The following BAIAP2L1 variants were observed in gnomAD, a reference collection of about 807,000 sequenced individuals.
The protein encoded by BAIAP2L1 is BAR/IMD domain containing adaptor protein 2 like 1.
A neutral mutation model predicts 66.3 loss-of-function variants in BAIAP2L1; 35 were observed. That is an observed-to-expected ratio of 0.53 (90% CI 0.40 to 0.70). The LOEUF (loss-of-function observed/expected upper bound fraction) is 0.70, where lower values mean the gene tolerates loss of function less well. Among genes scored for constraint, BAIAP2L1 ranks in the 30% least tolerant of loss-of-function variants. BAIAP2L1 has a pLI of 0.00. For missense variants in BAIAP2L1, 622 were observed against 656.9 expected (o/e 0.95, Z 0.58); for synonymous variants, 269 against 248.7 (o/e 1.08, Z -0.77).
At chr7:98,298,493 G>C (rs1481157340) in intron 12 of BAIAP2L1, among the ~76,000 whole-genome samples, 3 of 152,012 alleles carry the variant, frequency 2.0e-5, no homozygotes, top group African/African-American at 7.2e-5. Flanking sequence ...GGCGCCTGTA[G>C]TCCCAGCTAC....
At chr7:98,348,963 T>A (rs560263392) in intron 3 of BAIAP2L1, among the ~76,000 whole-genome samples, 1 of 152,272 alleles carries the variant, frequency 6.6e-6, no homozygotes, top group African/African-American at 2.4e-5. Flanking sequence ...CTGGCCTTAC[T>A]GTCCTGGGTC....
At chr7:98,361,778 C>T (rs183620571) in intron 2 of BAIAP2L1, among the ~76,000 whole-genome samples, 1 of 152,156 alleles carries the variant, frequency 6.6e-6, no homozygotes, top group Admixed American at 6.6e-5. Context: ...CTCTGTTGCT[C>T]AGGCTGGGGT....
intron 12 of BAIAP2L1, among the ~76,000 whole-genome samples, chr7:98,295,231 G>C (rs1253569082): frequency 2.0e-5 from 3 of 152,222 alleles, no homozygotes; most frequent in Non-Finnish European, 2.9e-5. Context: ...TGCATGTTGG[G>C]TGTACAGGCT....
chr7:98,393,360 A>T (rs900671542), intron 1 of BAIAP2L1, among the ~76,000 whole-genome samples: 4 of 151,806 alleles, frequency 2.6e-5, no homozygotes, highest in Non-Finnish European at 5.9e-5. Context: ...GTTTTATTAC[A>T]TAAGGGATGT....
intron 3 of BAIAP2L1, among the ~76,000 whole-genome samples, chr7:98,340,361 C>T (rs1303524384): frequency 6.6e-6 from 1 of 152,154 alleles, no homozygotes; most frequent in African/African-American, 2.4e-5. Flanking sequence ...AATCTCGGCT[C>T]ACTGCAAGCT....
In BAIAP2L1 at chr7:98,313,972, C is replaced by T. The variant is rs914583313; in HGVS notation, c.639+1488G>A. ...ATCTTATTTAGGGAGCTGAATACTC[C>T]TTTTTCTTCCTTTTTTTTTTTTTTT... is the stretch of plus-strand genomic sequence containing the variant. On this transcript the variant is annotated intron_variant, in intron 7 of 13. Coordinates refer to ENST00000005260, the MANE Select transcript of BAIAP2L1 (RefSeq NM_018842.5). Among the ~76,000 whole-genome samples the T allele has an allele frequency of 3.6e-5, 5 of 137,944 alleles. No individual in the cohort carries two copies. In the South Asian group the frequency reaches 6.7e-4, roughly 19 times the overall value. 90.5% of individuals were successfully genotyped at this position (137,944 alleles called of 152,430 possible).
At chr7:98,383,033 C>T (rs1802794848) in intron 1 of BAIAP2L1, among the ~76,000 whole-genome samples, 1 of 151,938 alleles carries the variant, frequency 6.6e-6, no homozygotes, top group Non-Finnish European at 1.5e-5. Flanking sequence ...CATGGTAGCA[C>T]GTGCCTGTAA....
chr7:98,309,851 C>CA (rs1179756405), intron 9 of BAIAP2L1: 2 of 151,850 alleles, frequency 1.3e-5, no homozygotes, highest in African/African-American at 5.1e-5. Context: ...CATCTGCAGA[C>CA]AGTCACTGGC....
chr7:98,316,652 A>T (rs762137656), intron 6 of BAIAP2L1, among the ~76,000 whole-genome samples: 87 of 152,282 alleles, frequency 5.7e-4, no homozygotes, highest in Non-Finnish European at 1.1e-3. Flanking sequence ...CTCTCTTCTA[A>T]CTATTTTGAA....
intron 2 of BAIAP2L1, among the ~76,000 whole-genome samples, chr7:98,357,738 T>C (rs1802171108): frequency 6.6e-6 from 1 of 152,168 alleles, no homozygotes; most frequent in African/African-American, 2.4e-5. Flanking sequence ...AGCATTTATA[T>C]ACATACTTAG....
intron 1 of BAIAP2L1, among the ~76,000 whole-genome samples, chr7:98,366,774 C>A (rs893760690): frequency 1.3e-5 from 2 of 152,244 alleles, no homozygotes; most frequent in African/African-American, 4.8e-5. Context: ...CCAGAGCCAG[C>A]CAACTCCCCC....
intron 1 of BAIAP2L1, among the ~76,000 whole-genome samples, chr7:98,396,768 A>G (rs570912824): frequency 1.3e-5 from 2 of 152,208 alleles, no homozygotes; most frequent in African/African-American, 4.8e-5. Context: ...AGCCTGAGCA[A>G]CAAAGCAAGA....
intron 1 of BAIAP2L1, among the ~76,000 whole-genome samples, chr7:98,391,780 G>A (rs539003455): frequency 2.3e-4 from 35 of 151,532 alleles, no homozygotes; most frequent in Non-Finnish European, 4.1e-4. Flanking sequence ...CTCAAGGTTA[G>A]GAAGACAAAC....
At chr7:98,349,349 G>A (rs982155561) in intron 3 of BAIAP2L1, among the ~76,000 whole-genome samples, 4 of 152,284 alleles carry the variant, frequency 2.6e-5, no homozygotes, top group East Asian at 1.9e-4. Context: ...AGCACGTGGC[G>A]CAAGGGCAGG....
At chr7:98,364,201 G>A (rs181888182) in intron 1 of BAIAP2L1, among the ~76,000 whole-genome samples, 1 of 152,150 alleles carries the variant, frequency 6.6e-6, no homozygotes, top group Non-Finnish European at 1.5e-5. Context: ...TTGCACTAAG[G>A]CTGATGGTTC....
chr7:98,297,208 C>A (rs987882095), intron 12 of BAIAP2L1, among the ~76,000 whole-genome samples: 1 of 152,224 alleles, frequency 6.6e-6, no homozygotes, highest in East Asian at 1.9e-4. Flanking sequence ...CCGCAAGAAT[C>A]CAAGAATCCA....
At position 98,393,129 on chromosome 7, in the gene BAIAP2L1, A is replaced by G. The variant is rs568774343; in HGVS notation, c.51+7673T>C. Among the ~76,000 whole-genome samples, 24 of 74,712 alleles carry G rather than the reference A, an allele frequency of 3.2e-4. 2 individuals carry two copies. Among genetic ancestry groups the G allele is most frequent in the Admixed American group, 8.0e-4 (6 of 7,526 alleles). The allele number at this position is 74,712 out of a possible 152,430, so 49.0% of individuals were successfully genotyped here. A position where few individuals can be genotyped will look rare whatever the true frequency, so the allele number is the denominator to read the frequency against. On this transcript the variant is annotated intron_variant, in intron 1 of 13. Transcript: ENST00000005260. ...CATATATGTACACATATATGTATAT[A>G]TACACACATATGTGTACATATATAT...
intron 3 of BAIAP2L1, among the ~76,000 whole-genome samples, chr7:98,348,877 C>T (rs1584475593): frequency 2.6e-5 from 4 of 152,346 alleles, no homozygotes; most frequent in Admixed American, 2.6e-4. Context: ...AATGTGGCAA[C>T]GTCACCACTC....
rs1487129573 is a variant in BAIAP2L1, at chr7:98,292,019, T to C, written c.*1502A>G. 6.5e-6 allele frequency: 1 copy of C among 153,364 alleles called. No homozygotes were observed. The highest frequency in any genetic ancestry group is 1.5e-5 in the Non-Finnish European group (1 of 68,870). 9.5% of individuals were successfully genotyped at this position (153,364 alleles called of 1,614,324 possible). A position where few individuals can be genotyped will look rare whatever the true frequency, so the allele number is the denominator to read the frequency against. ...TTTCTGTAGTACAGACTGGGGTTGT[T>C]AACATAGTTCATGGTGCCTGCAGCC... On this transcript the variant is annotated 3_prime_UTR_variant, in exon 14 of 14. Transcript: ENST00000005260.
Sources: allele counts gnomAD v4.1 joint callset (sites outside exome capture counted in the v4.1 genomes callset), GRCh38; gene constraint gnomAD v4.1.1; transcripts MANE v1.5; gene names NCBI Gene and HGNC (gene_info 2026-07-23, HGNC 2026-07-21).